IQCB1: variants seen among roughly 807,000 people sequenced by gnomAD.
IQCB1 encodes the protein IQ calmodulin-binding motif-containing protein 1.
IQCB1 carries 56 observed loss-of-function variants against 84.4 expected under a neutral mutation model. The ratio of observed to expected loss-of-function variants is 0.66; its 90% confidence interval spans 0.54 to 0.83. The LOEUF is 0.83. Among genes scored for constraint, IQCB1 ranks in the 40% least tolerant of loss-of-function variants. IQCB1 has a pLI of 0.00. For synonymous variants in IQCB1, 210 were observed against 234.8 expected (o/e 0.89, Z 0.96); for missense variants, 629 against 682.1 (o/e 0.92, Z 0.87).
At chr3:121,814,439 G>A (rs1347714628) in intron 5 of IQCB1, among the ~76,000 whole-genome samples, 3 of 152,104 alleles carry the variant, frequency 2.0e-5, no homozygotes, top group African/African-American at 7.2e-5. Context: ...GAAGGAGATA[G>A]AGACACGAAA....
At chr3:121,798,208 C>A (rs998322825) in intron 8 of IQCB1, among the ~76,000 whole-genome samples, 7 of 151,832 alleles carry the variant, frequency 4.6e-5, no homozygotes, top group African/African-American at 1.4e-4. Flanking sequence ...TCCTACAATA[C>A]CCTCAGTAAT....
intron 5 of IQCB1, among the ~76,000 whole-genome samples, chr3:121,823,965 A>G (rs1448204338): frequency 6.6e-6 from 1 of 152,260 alleles, no homozygotes; most frequent in Non-Finnish European, 1.5e-5. Flanking sequence ...AAATAGCAAA[A>G]TGGTAGAATT....
At chr3:121,799,077 G>A in intron 8 of IQCB1, 119 bp downstream of exon 8, 1 of 709,850 alleles carries the variant, frequency 1.4e-6, no homozygotes, top group East Asian at 2.8e-5. Flanking sequence ...TCTGTTGTGA[G>A]TTTTATCTAC....
chr3:121,807,454 A>G lies in IQCB1; in HGVS notation c.488-11T>C. 8.2e-7 allele frequency: 1 copy of G among 1,221,522 alleles called. No individual in the cohort carries two copies. Among genetic ancestry groups the G allele is most frequent in the Non-Finnish European group, 1.2e-6 (1 of 825,500 alleles). The allele number at this position is 1,221,522 out of a possible 1,614,324, so 75.7% of individuals were successfully genotyped here. A position where few individuals can be genotyped will look rare whatever the true frequency, so the allele number is the denominator to read the frequency against. ...GATCACTTTGTAGTACTAAAGGAAAAGAAAAAAAAAGAAAGATTAAAGTAA... is the reference window on the plus strand; with the variant it reads ...GATCACTTTGTAGTACTAAAGGAAAGGAAAAAAAAAGAAAGATTAAAGTAA... On this transcript the variant is annotated splice_polypyrimidine_tract_variant and intron_variant, in intron 6 of 14. Coordinates refer to ENST00000310864, the MANE Select transcript of IQCB1 (RefSeq NM_001023570.4).
rs1389337117 is a variant in IQCB1 at position 121,770,465 on chromosome 3, G to A, written c.1677C>T (p.His559=). The A allele has an allele frequency of 1.2e-6, 2 of 1,614,192 alleles. No homozygotes were observed. The highest frequency in any genetic ancestry group is 1.3e-5 in the African/African-American group (1 of 75,066). ...GCTTCTTCCACCAGGGTGCTTGTAT[G>A]TGCTTCAGGGTTGTGAGATGGGCCT... ...AKQAHLTTLK[H]IQAPWWKKLG... Residue 559 remains histidine (H), a synonymous_variant, in exon 15 of 15, where the codon CAC becomes CAT. Coordinates refer to ENST00000310864, the MANE Select transcript of IQCB1 (RefSeq NM_001023570.4).
rs781511466 is a variant in IQCB1, at chr3:121,828,924, T to C, written c.37A>G (p.Ile13Val). 1.9e-6 allele frequency: 3 copies of C among 1,611,686 alleles called. No individual in the cohort carries two copies. Among genetic ancestry groups the C allele is most frequent in the Admixed American group, 1.7e-5 (1 of 60,018 alleles). Reference sequence around the variant, plus strand: ...GGGCTTTTTGCAACTTCAGCAGCTATAGATAAGATCCTTGGGTCTGTACCT... The same window carrying C: ...GGGCTTTTTGCAACTTCAGCAGCTACAGATAAGATCCTTGGGTCTGTACCT... ...PTGTDPRILS[I>V]AAEVAKSPEQ... The change falls in exon 3 of 15, where the codon ATA becomes GTA. Residue 13 changes from isoleucine to valine, a missense_variant. By Grantham distance (29) the Ile-to-Val change is conservative. Coordinates refer to ENST00000310864, the MANE Select transcript of IQCB1 (RefSeq NM_001023570.4).
chr3:121,770,652 G>A, intron 14 of IQCB1, 78 bp from the exon 15 acceptor site: 3 of 1,077,310 alleles, frequency 2.8e-6, no homozygotes, highest in Non-Finnish European at 4.3e-6. Context: ...CTACAGAGCT[G>A]TAACTCTGCA....
At chr3:121,834,286 T>A (rs974062509) in intron 2 of IQCB1, 105 bp downstream of exon 2, 4 of 152,248 alleles carry the variant, frequency 2.6e-5, no homozygotes, top group African/African-American at 9.6e-5. Context: ...ATCTGTAAAC[T>A]TTCTCGAGTG....
intron 5 of IQCB1, among the ~76,000 whole-genome samples, chr3:121,813,086 C>T (rs1949895550): frequency 6.6e-6 from 1 of 152,086 alleles, no homozygotes; most frequent in African/African-American, 2.4e-5. Context: ...AGAAACCCTA[C>T]AAGCCAAAAG....
At position 121,807,534 on chromosome 3, in the gene IQCB1, G is replaced by A. The variant is rs35416411; in HGVS notation, c.488-91C>T. On this transcript the variant is annotated intron_variant, in intron 6 of 14. Transcript: ENST00000310864. The stretch of plus-strand genomic sequence containing the variant: ...TTCTTTTCAAACCAAATCAAAGCAT[G>A]ACCATCTCTGCTAAACTTTCTGACT... 0.11 allele frequency: 80,688 copies of A among 703,196 alleles called. 5,432 individuals are homozygous for A. The highest frequency in any genetic ancestry group is 0.14 in the Non-Finnish European group (54,023 of 385,468). 43.6% of individuals were successfully genotyped at this position (703,196 alleles called of 1,614,324 possible).
rs867355221 is a variant in IQCB1, at chr3:121,770,154, G to C, written c.*191C>G. 2 of 580,904 alleles carry C rather than the reference G, an allele frequency of 3.4e-6. No individual in the cohort carries two copies. Among genetic ancestry groups the C allele is most frequent in the Non-Finnish European group, 6.1e-6 (2 of 326,158 alleles). The allele number at this position is 580,904 out of a possible 1,614,324, so 36.0% of individuals were successfully genotyped here. A position where few individuals can be genotyped will look rare whatever the true frequency, so the allele number is the denominator to read the frequency against. On this transcript the variant is annotated 3_prime_UTR_variant, in exon 15 of 15. Transcript: ENST00000310864. ...CAAATCTGTGTGTGGCTAACGATGA[G>C]GATACAGAGAAAAGAAAAAGAAAAT...
intron 8 of IQCB1, among the ~76,000 whole-genome samples, chr3:121,797,833 A>G (rs1949262402): frequency 6.6e-6 from 1 of 152,044 alleles, no homozygotes; most frequent in Non-Finnish European, 1.5e-5. Context: ...CAAAGTAAGT[A>G]CTGTTTCCAG....
Position 121,780,883 on chromosome 3 carries a change from T to TGTGA in IQCB1, c.1410+859_1410+860insTCAC, listed in dbSNP as rs34302377. ...GTGTGTATGTGTGTGTGTGTGTGTG[T>TGTGA]GAGAGAGAGAGAGAGAATGAACTCA... is the stretch of plus-strand genomic sequence containing the variant. On this transcript the variant is annotated intron_variant, in intron 13 of 14. Coordinates refer to ENST00000310864, the MANE Select transcript of IQCB1 (RefSeq NM_001023570.4). Among the ~76,000 whole-genome samples, 613 of 148,900 alleles carry TGTGA rather than the reference T, an allele frequency of 4.1e-3. 6 individuals carry two copies. Among genetic ancestry groups the TGTGA allele is most frequent in the African/African-American group, 0.012 (466 of 40,360 alleles).
chr3:121,809,264 A>G (rs1445795734), intron 5 of IQCB1, among the ~76,000 whole-genome samples: 1 of 151,952 alleles, frequency 6.6e-6, no homozygotes, highest in Non-Finnish European at 1.5e-5. Context: ...CTACAAGTTG[A>G]TACACTAGGA....
intron 7 of IQCB1, among the ~76,000 whole-genome samples, chr3:121,802,011 T>C (rs1949427107): frequency 6.6e-6 from 1 of 151,974 alleles, no homozygotes; most frequent in Non-Finnish European, 1.5e-5. Flanking sequence ...ATTAACTTTT[T>C]AATATATTGT....
intron 5 of IQCB1, among the ~76,000 whole-genome samples, chr3:121,820,700 T>A (rs865992139): frequency 1.1e-4 from 16 of 151,626 alleles, no homozygotes; most frequent in African/African-American, 2.7e-4. Flanking sequence ...AGACTCAACT[T>A]AGACTCATCA....
intron 10 of IQCB1, among the ~76,000 whole-genome samples, chr3:121,794,321 A>T (rs1471771445): frequency 6.6e-6 from 1 of 152,132 alleles, no homozygotes; most frequent in Non-Finnish European, 1.5e-5. Flanking sequence ...GTGCCAGATA[A>T]TATGCTAAAA....
At chr3:121,826,838 A>G (rs1343561697) in intron 4 of IQCB1, among the ~76,000 whole-genome samples, 11 of 152,142 alleles carry the variant, frequency 7.2e-5, no homozygotes, top group Admixed American at 6.5e-4. Flanking sequence ...CCAATAATAA[A>G]AGGTTTTTCT....
chr3:121,807,212 G>A (rs535375314), intron 7 of IQCB1, 132 bp downstream of exon 7: 35 of 626,376 alleles, frequency 5.6e-5, no homozygotes, highest in Non-Finnish European at 9.5e-5. Context: ...CATTATATAC[G>A]AGTATATAGT....
Sources: allele counts gnomAD v4.1 joint callset (sites outside exome capture counted in the v4.1 genomes callset), GRCh38; gene constraint gnomAD v4.1.1; transcripts MANE v1.5; gene names NCBI Gene and HGNC (gene_info 2026-07-23, HGNC 2026-07-21).